Variants in ORC3 observed in about 807,000 individuals in gnomAD.
ORC3 encodes the protein origin recognition complex subunit 3.
ORC3 carries 78 observed loss-of-function variants against 100.7 expected under a neutral mutation model. The observed-to-expected ratio is 0.77, with a 90% CI of 0.65 to 0.94. ORC3 has a LOEUF of 0.94. Among genes scored for constraint, ORC3 ranks in the 40% least tolerant of loss-of-function variants. The pLI, the probability that ORC3 is intolerant of heterozygous loss-of-function variation, is 0.00. For synonymous variants in ORC3, 295 were observed against 289.3 expected (o/e 1.02, Z -0.20); for missense variants, 789 against 823.9 (o/e 0.96, Z 0.52).
intron 9 of ORC3, among the ~76,000 whole-genome samples, chr6:87,619,590 G>C (rs1779395156): frequency 6.6e-6 from 1 of 152,150 alleles, no homozygotes; most frequent in Non-Finnish European, 1.5e-5. Flanking sequence ...ATTTTTAGTA[G>C]AGATGGGGTT....
chr6:87,615,264 A>G (rs954429802), intron 8 of ORC3, among the ~76,000 whole-genome samples: 5 of 152,252 alleles, frequency 3.3e-5, no homozygotes, highest in South Asian at 2.1e-4. Flanking sequence ...TTTCCCCATG[A>G]TTCAGTTACC....
In ORC3 at chr6:87,603,480, G is replaced by C; in HGVS notation, c.274G>C (p.Gly92Arg). Residue 92 changes from glycine (G) to arginine (R), a missense_variant, in exon 4 of 20, where the codon GGC becomes CGC. Coordinates refer to ENST00000392844, the MANE Select transcript of ORC3 (RefSeq NM_012381.4). ...SGFQKNSRDL[G>R]GQIKLREIPT... ...ATTCCAGAAGAATTCAAGAGACTTGGGCGGTCAAATAAAACTCAGAGAAAT... is the reference window on the plus strand; with the variant it reads ...ATTCCAGAAGAATTCAAGAGACTTGCGCGGTCAAATAAAACTCAGAGAAAT... The C allele has an allele frequency of 6.5e-7, 1 of 1,530,064 alleles. No individual in the cohort carries two copies. The highest frequency in any genetic ancestry group is 1.3e-5 in the South Asian group (1 of 78,228). 94.8% of individuals were successfully genotyped at this position (1,530,064 alleles called of 1,614,324 possible).
chr6:87,624,181 T>G (rs1251432800), intron 11 of ORC3, among the ~76,000 whole-genome samples: 1 of 152,022 alleles, frequency 6.6e-6, no homozygotes, highest in African/African-American at 2.4e-5. Context: ...AGAAAGTGTC[T>G]AAGAAAAAAT....
At chr6:87,593,349 TTG>T (rs1490354616) in intron 1 of ORC3, among the ~76,000 whole-genome samples, 17 of 152,358 alleles carry the variant, frequency 1.1e-4, no homozygotes, top group African/African-American at 4.1e-4. Context: ...AAAATACAGT[TTG>T]TGCTTGAAGG....
intron 2 of ORC3, among the ~76,000 whole-genome samples, chr6:87,598,680 T>C (rs145144650): frequency 1.2e-3 from 186 of 152,054 alleles, no homozygotes; most frequent in African/African-American, 3.8e-3. Flanking sequence ...TTTCATTATG[T>C]GGCTCTAAGA....
chr6:87,617,527 T>C (rs1779243615), intron 9 of ORC3, among the ~76,000 whole-genome samples: 1 of 152,056 alleles, frequency 6.6e-6, no homozygotes, highest in Non-Finnish European at 1.5e-5. Context: ...TTGAGCTTAG[T>C]AGTTTGAGAC....
chr6:87,605,863 A>C, intron 4 of ORC3, 54 bp from the exon 5 acceptor site: 2 of 941,138 alleles, frequency 2.1e-6, no homozygotes, highest in South Asian at 2.9e-5. Context: ...AGCTTTTGTC[A>C]TTAAATTATT....
intron 12 of ORC3, among the ~76,000 whole-genome samples, chr6:87,635,330 A>G (rs9450765): frequency 0.4 from 61,453 of 152,046 alleles, 12,535 homozygotes; most frequent in Admixed American, 0.48. Context: ...CTTGCACTAC[A>G]CCCAGAATAA....
the ORC3 span, chr6:87,675,474 G>T: frequency 7.1e-7 from 1 of 1,400,706 alleles, no homozygotes; most frequent in South Asian, 1.2e-5. Flanking sequence ...GGTTGCCACT[G>T]ACGAAAGCTT....
intron 2 of ORC3, among the ~76,000 whole-genome samples, chr6:87,599,996 G>C (rs1777774713): frequency 6.6e-6 from 1 of 152,080 alleles, no homozygotes; most frequent in South Asian, 2.1e-4. Context: ...AGTAATAATA[G>C]TGTCTCCTTG....
chr6:87,618,611 AAG>A (rs1779327982), intron 9 of ORC3, among the ~76,000 whole-genome samples: 1 of 152,164 alleles, frequency 6.6e-6, no homozygotes, highest in Admixed American at 6.5e-5. Flanking sequence ...ACAGTAGGGG[AAG>A]AGAGATCTGT....
chr6:87,644,070 C>G (rs1051218374), intron 13 of ORC3, among the ~76,000 whole-genome samples: 3 of 130,028 alleles, frequency 2.3e-5, no homozygotes, highest in Non-Finnish European at 4.7e-5. Flanking sequence ...ATACAGATGG[C>G]TGACTGTCCT....
At chr6:87,607,296 G>A (rs1306696588) in intron 5 of ORC3, among the ~76,000 whole-genome samples, 1 of 152,030 alleles carries the variant, frequency 6.6e-6, no homozygotes, top group Non-Finnish European at 1.5e-5. Flanking sequence ...TGGGTATGGT[G>A]GCACGCGCCT....
At chr6:87,644,389 G>T (rs1768574292) in intron 13 of ORC3, among the ~76,000 whole-genome samples, 1 of 151,456 alleles carries the variant, frequency 6.6e-6, no homozygotes, top group Non-Finnish European at 1.5e-5. Context: ...CACCGCGCCC[G>T]GCCGGCTGAC....
At position 87,624,512 on chromosome 6, in the gene ORC3, T is replaced by G. The variant is rs1779753536; in HGVS notation, c.1185+2499T>G. Among the ~76,000 whole-genome samples, 3 of 152,268 alleles carry G rather than the reference T, an allele frequency of 2.0e-5. No individual in the cohort carries two copies. In the South Asian group the frequency reaches 6.2e-4, roughly 32 times the overall value. The stretch of plus-strand genomic sequence containing the variant: ...ACAAAACAAAACAAAAGAATGTGTC[T>G]TGATTTTTTAGTTTAAAGTATCTTT... On this transcript the variant is annotated intron_variant, in intron 11 of 19. Coordinates refer to ENST00000392844, the MANE Select transcript of ORC3 (RefSeq NM_012381.4).
rs371509958 is a variant in ORC3, at chr6:87,634,852, C to T, written c.1193C>T (p.Thr398Ile). The change falls in exon 12 of 20, where the codon ACA (threonine) becomes ATA (isoleucine). Residue 398 changes from threonine (T) to isoleucine (I), a missense_variant. Physicochemically the swap from Thr to Ile is moderately conservative, Grantham distance 89 (BLOSUM62 -1). Coordinates refer to ENST00000392844, the MANE Select transcript of ORC3 (RefSeq NM_012381.4). ...ATATTCTGTGATTTTTAGGAGGAAA[C>T]ACAATTATTACTAGAAAACCTGCAT... is the stretch of plus-strand genomic sequence containing the variant. Reference protein sequence around the residue: ...LTNERYLKEETQLLLENLHVY... With the variant: ...LTNERYLKEEIQLLLENLHVY... 1.1e-5 allele frequency: 16 copies of T among 1,491,796 alleles called. No individual in the cohort carries two copies. In the African/African-American group the frequency reaches 2.1e-4, roughly 19 times the overall value. The allele number at this position is 1,491,796 out of a possible 1,614,324, so 92.4% of individuals were successfully genotyped here. A position where few individuals can be genotyped will look rare whatever the true frequency, so the allele number is the denominator to read the frequency against.
intron 13 of ORC3, among the ~76,000 whole-genome samples, chr6:87,646,867 A>G (rs1391795296): frequency 2.0e-5 from 3 of 152,104 alleles, no homozygotes; most frequent in East Asian, 1.9e-4. Flanking sequence ...TCCAATACAC[A>G]CCTCAAAGTT....
chr6:87,610,838 C>G (rs1338476559), intron 7 of ORC3, among the ~76,000 whole-genome samples: 1 of 150,820 alleles, frequency 6.6e-6, no homozygotes. Context: ...CAGGCGTGAG[C>G]CACCGCGCCC....
rs538662644 is a variant in ORC3, at chr6:87,643,150, A to G, written c.1382+6664A>G. On this transcript the variant is annotated intron_variant, in intron 13 of 19. Coordinates refer to ENST00000392844, the MANE Select transcript of ORC3 (RefSeq NM_012381.4). ...TTTGTGTAATGGTTTCCAGGCTTCA[A>G]TGTGCATAAGAATTAGCTGAGATAT... Among the ~76,000 whole-genome samples the G allele has an allele frequency of 1.7e-4, 26 of 151,902 alleles. 2 individuals carry two copies. Among genetic ancestry groups the G allele is most frequent in the Admixed American group, 1.1e-3 (17 of 15,256 alleles).
Sources: allele counts gnomAD v4.1 joint callset (sites outside exome capture counted in the v4.1 genomes callset), GRCh38; gene constraint gnomAD v4.1.1; transcripts MANE v1.5; gene names NCBI Gene and HGNC (gene_info 2026-07-23, HGNC 2026-07-21).